Variants in KLHL13 observed in about 807,000 individuals in gnomAD.
KLHL13 encodes kelch like family member 13.
A neutral mutation model predicts 37.1 loss-of-function variants in KLHL13; 10 were observed. That is an observed-to-expected ratio of 0.27 (90% confidence interval 0.17 to 0.46). The LOEUF (loss-of-function observed/expected upper bound fraction) is 0.46, where lower values mean the gene tolerates loss of function less well. Among genes scored for constraint, KLHL13 ranks in the 20% least tolerant of loss-of-function variants. The probability of loss-of-function intolerance (pLI) is 1.00; values close to 1 mark genes in which losing one functional copy is unlikely to be tolerated. For missense variants in KLHL13, 360 were observed against 509.3 expected, an observed-to-expected ratio of 0.71 and a Z score of 2.82; for synonymous variants, 163 against 181.2, an observed-to-expected ratio of 0.90 and a Z score of 0.81.
At chrX:117,995,623 A>G (rs1055807165) in intron 1 of KLHL13, among the ~76,000 whole-genome samples, 82 of 110,852 alleles carry the variant, frequency 7.4e-4, no homozygotes, top group African/African-American at 2.7e-3. Context: ...ATCAACTCCA[A>G]AATAAAACCC....
upstream of KLHL13, among the ~76,000 whole-genome samples, chrX:117,976,612 T>C (rs1002459607): frequency 4.5e-5 from 5 of 112,291 alleles, no homozygotes; most frequent in Admixed American, 4.7e-4. Context: ...ACTACTTTAA[T>C]ATTTAGAATA....
chrX:118,017,145 A>T (rs1205038221), intron 1 of KLHL13, among the ~76,000 whole-genome samples: 1 of 111,291 alleles, frequency 9.0e-6, no homozygotes, highest in Non-Finnish European at 1.9e-5. Context: ...GCTTCAGTAG[A>T]TCTCTGCAGT....
chrX:118,023,653 C>T lies in KLHL13; in HGVS notation c.-55-78078G>A, dbSNP rs997083092. Among the ~76,000 whole-genome samples, 3 of 111,609 alleles carry T rather than the reference C, an allele frequency of 2.7e-5. No individual in the cohort carries two copies. In the Admixed American group the frequency reaches 2.9e-4, roughly 11 times the overall value. ...GCACGATCTCAGCTCACTGCAACCTCCGCCTCCCAGGTTCAGGCGATTCTC... is the reference window on the plus strand; with the variant it reads ...GCACGATCTCAGCTCACTGCAACCTTCGCCTCCCAGGTTCAGGCGATTCTC... On this transcript the variant is annotated intron_variant, in intron 1 of 6. Coordinates refer to the KLHL13 transcript ENST00000371882.
chrX:118,078,800 A>G (rs889166409), intron 1 of KLHL13, among the ~76,000 whole-genome samples: 1 of 111,848 alleles, frequency 8.9e-6, no homozygotes, highest in Admixed American at 9.5e-5. Flanking sequence ...TTGCTGGATC[A>G]TATGTTAAGT....
intron 1 of KLHL13, among the ~76,000 whole-genome samples, chrX:117,953,306 A>G (rs1933730145): frequency 9.0e-6 from 1 of 110,662 alleles, no homozygotes. Flanking sequence ...ATCGCAAGGA[A>G]AAAAACCAAA....
chrX:118,034,298 GCACCA>G (rs2054404485), intron 1 of KLHL13, among the ~76,000 whole-genome samples: 1 of 103,024 alleles, frequency 9.7e-6, no homozygotes, highest in Non-Finnish European at 2.0e-5. Context: ...ATTCTTTTCA[GCACCA>G]CACCACACCT....
chrX:117,997,973 T>C (rs1445666033), intron 1 of KLHL13, among the ~76,000 whole-genome samples: 2 of 112,061 alleles, frequency 1.8e-5, no homozygotes, highest in Non-Finnish European at 3.8e-5. Flanking sequence ...TTTCATGTCC[T>C]TGATTTCATT....
chrX:118,069,504 T>C (rs986236169), intron 1 of KLHL13, among the ~76,000 whole-genome samples: 2 of 106,483 alleles, frequency 1.9e-5, no homozygotes, highest in Non-Finnish European at 3.9e-5. Context: ...TTATACAATA[T>C]ACCCATGTAC....
At chrX:117,904,087 C>G (rs1317511888) in intron 5 of KLHL13, among the ~76,000 whole-genome samples, 1 of 110,780 alleles carries the variant, frequency 9.0e-6, no homozygotes, top group Non-Finnish European at 1.9e-5. Flanking sequence ...CTTTCTCACA[C>G]AGGAGGCCCT....
At chrX:118,055,159 A>G (rs1482945302) in intron 1 of KLHL13, among the ~76,000 whole-genome samples, 3 of 112,022 alleles carry the variant, frequency 2.7e-5, no homozygotes, top group Non-Finnish European at 5.6e-5. Flanking sequence ...AAATATTTTT[A>G]GCAAATTTAA....
intron 1 of KLHL13, among the ~76,000 whole-genome samples, chrX:117,951,520 G>A (rs1933600947): frequency 9.0e-6 from 1 of 111,039 alleles, no homozygotes; most frequent in Non-Finnish European, 1.9e-5. Context: ...GTTATTTGTA[G>A]TTTTTTTAAT....
At chrX:118,025,919 T>C (rs141640386) in intron 1 of KLHL13, among the ~76,000 whole-genome samples, 1 of 111,809 alleles carries the variant, frequency 8.9e-6, no homozygotes, top group African/African-American at 3.2e-5. Context: ...AAAATGTTTA[T>C]ATTTGTGAGT....
At chrX:117,945,020 G>C (rs1269581917) in intron 2 of KLHL13, among the ~76,000 whole-genome samples, 1 of 111,850 alleles carries the variant, frequency 8.9e-6, no homozygotes, top group East Asian at 2.8e-4. Context: ...AACAGGCTGT[G>C]AATGAGGAAC....
At chrX:118,057,987 G>C (rs2054703204) in intron 1 of KLHL13, among the ~76,000 whole-genome samples, 1 of 111,577 alleles carries the variant, frequency 9.0e-6, no homozygotes, top group East Asian at 2.8e-4. Context: ...CTACCAAAAT[G>C]ATGAATACAA....
At chrX:117,972,688 A>G (rs1287856330) in intron 1 of KLHL13, 1 of 1,126,254 alleles carries the variant, frequency 8.9e-7, no homozygotes, top group Non-Finnish European at 1.2e-6. Context: ...AGGTAGATTC[A>G]TGAATGAAAT....
At chrX:118,089,592 G>GA (rs2055095780) in intron 1 of KLHL13, among the ~76,000 whole-genome samples, 1 of 77,039 alleles carries the variant, frequency 1.3e-5, no homozygotes, top group African/African-American at 6.1e-5. Flanking sequence ...AAAGAAAAGA[G>GA]AGAGAGAGAG....
At chrX:118,015,764 T>C (rs1481329956) in intron 1 of KLHL13, among the ~76,000 whole-genome samples, 1 of 111,764 alleles carries the variant, frequency 8.9e-6, no homozygotes, top group Non-Finnish European at 1.9e-5. Flanking sequence ...CATAAGATCT[T>C]ATGACAATAA....
intron 1 of KLHL13, among the ~76,000 whole-genome samples, chrX:118,036,812 A>C (rs1216276687): frequency 6.7e-4 from 74 of 110,860 alleles, no homozygotes; most frequent in African/African-American, 1.3e-3. Context: ...AGGAAACCTA[A>C]AAAATGGGAG....
intron 6 of KLHL13, among the ~76,000 whole-genome samples, chrX:117,899,996 G>A (rs959666347): frequency 2.7e-5 from 3 of 112,521 alleles, no homozygotes; most frequent in African/African-American, 9.7e-5. Context: ...TGTGGGCAGA[G>A]TGAGGGTGGA....
Sources: allele counts gnomAD v4.1 joint callset (sites outside exome capture counted in the v4.1 genomes callset), GRCh38; gene constraint gnomAD v4.1.1; transcripts MANE v1.5; gene names NCBI Gene and HGNC (gene_info 2026-07-23, HGNC 2026-07-21).